Variants in CEP128 observed in about 807,000 individuals in gnomAD.
CEP128 encodes the protein centrosomal protein 128.
Under a neutral mutation model 156.7 loss-of-function variants are expected in CEP128, and 132 were observed. That is an observed-to-expected ratio of 0.84 (90% CI 0.73 to 0.97). CEP128 has a LOEUF of 0.97. Ranked by LOEUF, CEP128 falls within the 50% of genes least tolerant of loss-of-function variation. The pLI, the probability that CEP128 is intolerant of heterozygous loss-of-function variation, is 0.00. For missense variants in CEP128, 1,252 were observed against 1,281.9 expected (o/e 0.98, Z 0.36); for synonymous variants, 469 against 448.9 (o/e 1.04, Z -0.57).
rs544116632 is a variant in CEP128, at chr14:80,720,438, T to C, written c.2806+22637A>G. On this transcript the variant is annotated intron_variant, in intron 19 of 24. Coordinates refer to ENST00000555265, the MANE Select transcript of CEP128 (RefSeq NM_152446.5). ...ATGTGGATAAGGAGATATTGTGTCA[T>C]TCCCTGCATTCCCAGCCAAGCCACA... 3.9e-5 allele frequency among the ~76,000 whole-genome samples: 6 copies of C among 152,316 alleles called. No individual in the cohort carries two copies. The South Asian group carries it at 6.2e-4, about 16-fold the overall frequency.
chr14:80,655,690 G>C (rs1372542129), intron 19 of CEP128, among the ~76,000 whole-genome samples: 1 of 152,120 alleles, frequency 6.6e-6, no homozygotes, highest in Non-Finnish European at 1.5e-5. Context: ...CAGGAAAGAG[G>C]CACCTACCCT....
At chr14:80,617,115 AGCCC>A (rs1893245484) in intron 19 of CEP128, among the ~76,000 whole-genome samples, 1 of 149,636 alleles carries the variant, frequency 6.7e-6, no homozygotes, top group Non-Finnish European at 1.5e-5. Context: ...TAAGTAAACC[AGCCC>A]AGTTGCCATA....
chr14:80,660,101 T>C (rs933471838), intron 19 of CEP128, among the ~76,000 whole-genome samples: 2 of 152,134 alleles, frequency 1.3e-5, no homozygotes, highest in African/African-American at 4.8e-5. Flanking sequence ...GGTATTAACA[T>C]TGAATTAGCT....
chr14:80,488,092 T>A (rs4632067), downstream of CEP128, among the ~76,000 whole-genome samples: 57,852 of 140,592 alleles, frequency 0.41, 14,429 homozygotes, highest in East Asian at 0.67. Context: ...CAGGAGCTGG[T>A]TTTTTGAAAA....
At chr14:80,737,134 A>G (rs1898571739) in intron 19 of CEP128, among the ~76,000 whole-genome samples, 1 of 152,216 alleles carries the variant, frequency 6.6e-6, no homozygotes, top group Non-Finnish European at 1.5e-5. Context: ...GGCTGGGTGC[A>G]GTGGCTCATG....
intron 14 of CEP128, among the ~76,000 whole-genome samples, chr14:80,789,814 G>GTT (rs397793185): frequency 1.5e-4 from 22 of 145,962 alleles, no homozygotes; most frequent in Admixed American, 4.1e-4. Context: ...ACGCAGTTTG[G>GTT]TTTTTTTTTT....
chr14:80,626,475 A>AAAAAAG (rs1425708670), intron 19 of CEP128, among the ~76,000 whole-genome samples: 1 of 43,220 alleles, frequency 2.3e-5, no homozygotes, highest in African/African-American at 4.5e-5. Flanking sequence ...CGTCTCAAAA[A>AAAAAAG]AAAAAAAAAA....
intron 19 of CEP128, among the ~76,000 whole-genome samples, chr14:80,717,531 T>C (rs1319479783): frequency 1.3e-5 from 2 of 152,052 alleles, no homozygotes; most frequent in Non-Finnish European, 2.9e-5. Context: ...ATGGGGGCAT[T>C]TGTGATAGAG....
intron 8 of CEP128, among the ~76,000 whole-genome samples, chr14:80,871,610 T>G (rs906567907): frequency 6.6e-6 from 1 of 152,122 alleles, no homozygotes; most frequent in African/African-American, 2.4e-5. Flanking sequence ...GATGACATAA[T>G]TCCTAATAAT....
intron 13 of CEP128, among the ~76,000 whole-genome samples, chr14:80,800,581 A>AT (rs1438566640): frequency 1.3e-5 from 2 of 152,166 alleles, no homozygotes; most frequent in African/African-American, 4.8e-5. Flanking sequence ...GACCCCTTTA[A>AT]TAACTAAGTT....
In CEP128 at chr14:80,838,276, A is replaced by T. The variant is rs1886185882; in HGVS notation, c.852T>A (p.Leu284=). 5 of 1,611,442 alleles carry T rather than the reference A, an allele frequency of 3.1e-6. No homozygotes were observed. In the Middle Eastern group the frequency reaches 5.0e-4, roughly 160 times the overall value. Residue 284 remains leucine (L), a splice_region_variant and synonymous_variant, in exon 11 of 25, where the codon CTT becomes CTA. Transcript: ENST00000555265. ...LRQTETEKNQ[L]EQELELSRRL... ...TTCGAGATAGCTCCAATTCCTGTTCAAGCTAGAGTTTCAACAAAGGATAAA... is the reference window on the plus strand; with the variant it reads ...TTCGAGATAGCTCCAATTCCTGTTCTAGCTAGAGTTTCAACAAAGGATAAA...
chr14:80,737,518 A>G (rs1236836848), intron 19 of CEP128, among the ~76,000 whole-genome samples: 1 of 140,438 alleles, frequency 7.1e-6, no homozygotes, highest in Non-Finnish European at 1.6e-5. Flanking sequence ...ATCAATTAAA[A>G]TCACTTATTT....
chr14:80,616,664 A>G (rs1466618525), intron 19 of CEP128, among the ~76,000 whole-genome samples: 2 of 152,246 alleles, frequency 1.3e-5, no homozygotes, highest in Admixed American at 6.5e-5. Context: ...AGTTCTCCCA[A>G]TATCAGCAGT....
At chr14:80,606,046 A>G (rs531303200) in intron 19 of CEP128, among the ~76,000 whole-genome samples, 2 of 152,072 alleles carry the variant, frequency 1.3e-5, no homozygotes, top group South Asian at 4.1e-4. Context: ...CTTTGGTGTT[A>G]TGTTCCAATA....
chr14:80,838,576 A>G (rs1175197832), intron 10 of CEP128, among the ~76,000 whole-genome samples: 1 of 152,086 alleles, frequency 6.6e-6, no homozygotes, highest in Non-Finnish European at 1.5e-5. Flanking sequence ...TATCATCTCT[A>G]AAATAAGTAT....
intron 19 of CEP128, among the ~76,000 whole-genome samples, chr14:80,708,011 A>G: frequency 6.6e-6 from 1 of 152,178 alleles, no homozygotes; most frequent in South Asian, 2.1e-4. Flanking sequence ...ATCTCATATT[A>G]TGGTATATCC....
intron 23 of CEP128, among the ~76,000 whole-genome samples, chr14:80,512,480 T>C (rs1888305787): frequency 6.6e-6 from 1 of 152,036 alleles, no homozygotes; most frequent in African/African-American, 2.4e-5. Context: ...TCTTTATAGG[T>C]GAAGTGTGTT....
intron 20 of CEP128, among the ~76,000 whole-genome samples, chr14:80,573,529 T>C (rs1167540196): frequency 6.6e-6 from 1 of 152,226 alleles, no homozygotes; most frequent in Non-Finnish European, 1.5e-5. Context: ...TAGGGTATTC[T>C]ATTTTCAAGT....
At chr14:80,480,039 C>G (rs1887020591) in intron 14 of CEP128, among the ~76,000 whole-genome samples, 1 of 152,300 alleles carries the variant, frequency 6.6e-6, no homozygotes, top group Non-Finnish European at 1.5e-5. Context: ...TTGCAGGGTA[C>G]AGCCTCCCTC....
Sources: gnomAD v4.1 joint callset for allele counts (sites outside exome capture counted in the v4.1 genomes callset) on GRCh38, gnomAD v4.1.1 for gene constraint, MANE v1.5 for transcripts, NCBI Gene and HGNC (gene_info 2026-07-23, HGNC 2026-07-21) for gene names.